The following RMND5A variants were observed in gnomAD, a reference collection of about 807,000 sequenced individuals.
The protein encoded by RMND5A is E3 ubiquitin-protein transferase RMND5A.
A neutral mutation model predicts 49.7 loss-of-function variants in RMND5A; 17 were observed. The ratio of observed to expected loss-of-function variants is 0.34; its 90% CI spans 0.23 to 0.51. RMND5A has a LOEUF of 0.51. RMND5A is among the 20% of genes least tolerant of loss of function. The pLI is 0.96. For synonymous variants in RMND5A, 156 were observed against 167.7 expected, an observed-to-expected ratio of 0.93 and a Z score of 0.54; for missense variants, 255 against 471.3, an observed-to-expected ratio of 0.54 and a Z score of 4.25.
At chr2:86,753,715 G>C (rs1681679490) in intron 4 of RMND5A, among the ~76,000 whole-genome samples, 157 bp downstream of exon 4, 1 of 152,198 alleles carries the variant, frequency 6.6e-6, no homozygotes, top group Non-Finnish European at 1.5e-5. Flanking sequence ...TTGGCTAAGT[G>C]AAATATGGGG....
In RMND5A at chr2:86,775,795, T is replaced by G. The variant is rs1259982792; in HGVS notation, c.*2384T>G. ...CTTAAAATTCATGAGAGACTAAATG[T>G]GAGGGAGAGGTGGATTTAAAGAGGC... On this transcript the variant is annotated 3_prime_UTR_variant, in exon 9 of 9. Transcript: ENST00000283632. 2.6e-5 allele frequency: 4 copies of G among 152,124 alleles called. No individual in the cohort carries two copies. The highest frequency in any genetic ancestry group is 2.0e-4 in the Admixed American group (3 of 15,272). 9.4% of individuals were successfully genotyped at this position (152,124 alleles called of 1,614,324 possible).
intron 4 of RMND5A, among the ~76,000 whole-genome samples, chr2:86,762,909 G>A (rs191147337): frequency 1.3e-4 from 19 of 151,504 alleles, no homozygotes; most frequent in Non-Finnish European, 1.6e-4. Flanking sequence ...GTGCGGTGGC[G>A]TGCACCTATG....
intron 6 of RMND5A, among the ~76,000 whole-genome samples, chr2:86,768,578 C>T (rs1036783095): frequency 1.3e-5 from 2 of 152,156 alleles, no homozygotes; most frequent in Non-Finnish European, 2.9e-5. Context: ...CAAGGTGTCT[C>T]CCATCCGTGA....
chr2:86,736,230 C>T lies in RMND5A; in HGVS notation c.143-4697C>T. On this transcript the variant is annotated intron_variant, in intron 1 of 8. Transcript: ENST00000283632. ...ACAGGGTCTCACTCTGTTGCCCAGG[C>T]TGGAGTGTAGTGACATGCTTACAGT... Among the ~76,000 whole-genome samples the T allele has an allele frequency of 2.5e-5, 2 of 79,278 alleles. 1 individual carries two copies. The allele number at this position is 79,278 out of a possible 152,430, so 52.0% of individuals were successfully genotyped here. A position where few individuals can be genotyped will look rare whatever the true frequency, so the allele number is the denominator to read the frequency against.
intron 4 of RMND5A, among the ~76,000 whole-genome samples, chr2:86,762,725 A>G: frequency 7.3e-6 from 1 of 137,258 alleles, no homozygotes; most frequent in East Asian, 2.5e-4. Flanking sequence ...TATCATATAT[A>G]TCATATATAT....
chr2:86,759,105 T>C (rs1219078030), intron 4 of RMND5A, among the ~76,000 whole-genome samples: 1 of 152,158 alleles, frequency 6.6e-6, no homozygotes, highest in Non-Finnish European at 1.5e-5. Context: ...CTAGTATTAC[T>C]AGAAATAGAC....
Position 86,773,471 on chromosome 2 carries a change from A to G in RMND5A, c.*60A>G. The G allele has an allele frequency of 1.8e-6, 2 of 1,093,392 alleles. No homozygotes were observed. The highest frequency in any genetic ancestry group is 2.5e-5 in the South Asian group (2 of 79,118). The allele number at this position is 1,093,392 out of a possible 1,614,324, so 67.7% of individuals were successfully genotyped here. A position where few individuals can be genotyped will look rare whatever the true frequency, so the allele number is the denominator to read the frequency against. Reference sequence around the variant, plus strand: ...CTGAATCGTGGGTGCATTTCAGAAGAGAACGTTCCATATAATGCAGCTAAC... The same window carrying G: ...CTGAATCGTGGGTGCATTTCAGAAGGGAACGTTCCATATAATGCAGCTAAC... On this transcript the variant is annotated 3_prime_UTR_variant, in exon 9 of 9. Coordinates refer to ENST00000283632, the MANE Select transcript of RMND5A (RefSeq NM_022780.4).
rs544705536 is a variant in RMND5A, at chr2:86,720,523, G to T, written c.-145G>T. ...CTGCGCGGGGCTCCCCCGGCGCCGC[G>T]GCTAGTGCGCCCGCCGCCTCGGCCG... On this transcript the variant is annotated 5_prime_UTR_variant, in exon 1 of 9. Transcript: ENST00000283632. 8.1e-4 allele frequency: 361 copies of T among 444,614 alleles called. 4 individuals carry two copies. The highest frequency in any genetic ancestry group is 7.1e-3 in the African/African-American group (331 of 46,600). 27.5% of individuals were successfully genotyped at this position (444,614 alleles called of 1,614,324 possible).
At chr2:86,759,785 A>G (rs1014182154) in intron 4 of RMND5A, among the ~76,000 whole-genome samples, 3 of 151,892 alleles carry the variant, frequency 2.0e-5, no homozygotes, top group African/African-American at 7.3e-5. Context: ...GGGCAACAGA[A>G]TGAGACTCTG....
chr2:86,754,082 A>G (rs925520648), intron 4 of RMND5A, among the ~76,000 whole-genome samples: 2 of 152,258 alleles, frequency 1.3e-5, no homozygotes, highest in African/African-American at 2.4e-5. Flanking sequence ...TCTGTAAGCT[A>G]TAATAAATAT....
At chr2:86,768,082 A>G (rs1672630389) in intron 6 of RMND5A, among the ~76,000 whole-genome samples, 1 of 152,198 alleles carries the variant, frequency 6.6e-6, no homozygotes, top group African/African-American at 2.4e-5. Context: ...GTTTGCAATA[A>G]TGGCATGGTA....
At position 86,765,944 on chromosome 2, in the gene RMND5A, G is replaced by C; in HGVS notation, c.774G>C (p.Gln258His). Residue 258 changes from glutamine to histidine, a missense_variant, in exon 6 of 9, where the codon CAG becomes CAC. By Grantham distance (24) the Gln-to-His change is conservative (BLOSUM62 0). Around this residue, in one of 3 missense-constraint regions of RMND5A, gnomAD observed 208 missense variants for 339.8 expected, o/e 0.61. Coordinates refer to ENST00000283632, the MANE Select transcript of RMND5A (RefSeq NM_022780.4). ...SPYVHLLDAN[Q>H]WADICDIFTR... is the part of the protein sequence containing the mutation. Reference sequence around the variant, plus strand: ...ATGTTCACCTACTTGATGCAAACCAGTGGGCTGATATCTGTGACATCTTTA... The same window carrying C: ...ATGTTCACCTACTTGATGCAAACCACTGGGCTGATATCTGTGACATCTTTA... 6.2e-7 allele frequency: 1 copy of C among 1,614,196 alleles called. No homozygotes were observed. The highest frequency in any genetic ancestry group is 8.5e-7 in the Non-Finnish European group (1 of 1,180,036).
chr2:86,755,681 TATAAG>T (rs1382924276), intron 4 of RMND5A, among the ~76,000 whole-genome samples: 3 of 152,276 alleles, frequency 2.0e-5, no homozygotes, highest in East Asian at 1.9e-4. Context: ...TTTGTGCGTA[TATAAG>T]ATATGTTTCT....
rs901308901 is a variant in RMND5A, at chr2:86,775,658, G to C, written c.*2247G>C. The C allele has an allele frequency of 6.6e-6, 1 of 152,276 alleles. No individual in the cohort carries two copies. Among genetic ancestry groups the C allele is most frequent in the East Asian group, 1.9e-4 (1 of 5,186 alleles). The allele number at this position is 152,276 out of a possible 1,614,324, so 9.4% of individuals were successfully genotyped here. A position where few individuals can be genotyped will look rare whatever the true frequency, so the allele number is the denominator to read the frequency against. ...AGCATTGGACTCTGCAGCTTTCTGTGTAAGGCCCGTGTACTCCCACTGGGC... is the reference window on the plus strand; with the variant it reads ...AGCATTGGACTCTGCAGCTTTCTGTCTAAGGCCCGTGTACTCCCACTGGGC... On this transcript the variant is annotated 3_prime_UTR_variant, in exon 9 of 9. Transcript: ENST00000283632.
intron 4 of RMND5A, among the ~76,000 whole-genome samples, chr2:86,756,775 G>T (rs1263038797): frequency 6.6e-6 from 1 of 152,194 alleles, no homozygotes; most frequent in Non-Finnish European, 1.5e-5. Context: ...ATTTGTTCCT[G>T]CTGGGAAGGA....
rs1034189583 is a variant in RMND5A, at chr2:86,775,709, T to A, written c.*2298T>A. ...AGGGTGAGGACCAAAAATCTGAAACTCTTATGAATCTGACATATTATATGG... is the reference window on the plus strand; with the variant it reads ...AGGGTGAGGACCAAAAATCTGAAACACTTATGAATCTGACATATTATATGG... On this transcript the variant is annotated 3_prime_UTR_variant, in exon 9 of 9. Transcript: ENST00000283632. 1.3e-5 allele frequency: 2 copies of A among 152,200 alleles called. No individual in the cohort carries two copies. Among genetic ancestry groups the A allele is most frequent in the Non-Finnish European group, 2.9e-5 (2 of 68,038 alleles). 9.4% of individuals were successfully genotyped at this position (152,200 alleles called of 1,614,324 possible). A position where few individuals can be genotyped will look rare whatever the true frequency, so the allele number is the denominator to read the frequency against.
chr2:86,763,508 G>A (rs182780810), intron 4 of RMND5A, among the ~76,000 whole-genome samples: 8 of 152,230 alleles, frequency 5.3e-5, no homozygotes, highest in Admixed American at 4.6e-4. Flanking sequence ...GGCCAGGCAC[G>A]GAAGCTCACA....
At chr2:86,752,173 T>A in intron 3 of RMND5A, 143 bp downstream of exon 3, 1 of 722,722 alleles carries the variant, frequency 1.4e-6, no homozygotes. Context: ...TGACCTCATT[T>A]TACTAGGAGT....
chr2:86,749,283 A>G (rs973012726), intron 2 of RMND5A, among the ~76,000 whole-genome samples: 1 of 152,222 alleles, frequency 6.6e-6, no homozygotes, highest in African/African-American at 2.4e-5. Context: ...GAAATTAAAC[A>G]TAATCTTATA....
Sources: gnomAD v4.1 joint callset for allele counts (sites outside exome capture counted in the v4.1 genomes callset) on GRCh38, gnomAD v4.1.1 for gene constraint, gnomAD v4.1.1 regional missense constraint, MANE v1.5 for transcripts, NCBI Gene and HGNC (gene_info 2026-07-23, HGNC 2026-07-21) for gene names.